The following OPCML variants were observed in gnomAD, a reference collection of about 807,000 sequenced individuals.
OPCML encodes the protein opioid binding protein/cell adhesion molecule like, also known as opioid-binding protein/cell adhesion molecule.
OPCML carries 13 observed loss-of-function variants against 37.8 expected under a neutral mutation model. The ratio of observed to expected loss-of-function variants is 0.34; its 90% CI spans 0.22 to 0.55. OPCML has a LOEUF of 0.55. Among genes scored for constraint, OPCML ranks in the 20% least tolerant of loss-of-function variants. The pLI is 0.91. For synonymous variants in OPCML, 176 were observed against 168.8 expected (o/e 1.04, Z -0.33); for missense variants, 341 against 435.6 (o/e 0.78, Z 1.93).
At chr11:133,355,676 C>G (rs751716947) in intron 1 of OPCML, among the ~76,000 whole-genome samples, 4 of 152,146 alleles carry the variant, frequency 2.6e-5, no homozygotes, top group Admixed American at 6.5e-5. Context: ...TTTCAGTCAT[C>G]GCTTCAGCTC....
At chr11:133,487,258 T>C (rs1226006492) in intron 1 of OPCML, among the ~76,000 whole-genome samples, 2 of 152,286 alleles carry the variant, frequency 1.3e-5, no homozygotes, top group East Asian at 3.9e-4. Context: ...ATCTAATCCT[T>C]GTCTGTCTCT....
chr11:133,036,414 A>G (rs150219430), intron 1 of OPCML, among the ~76,000 whole-genome samples: 221 of 152,348 alleles, frequency 1.5e-3, no homozygotes, highest in African/African-American at 5.0e-3. Flanking sequence ...TATTGTTAGC[A>G]TTTGTTTACA....
chr11:133,200,479 T>C (rs1052226787), intron 1 of OPCML, among the ~76,000 whole-genome samples: 2 of 152,206 alleles, frequency 1.3e-5, no homozygotes, highest in African/African-American at 4.8e-5. Flanking sequence ...AATCTCATTC[T>C]TTTAGAGGTG....
intron 3 of OPCML, among the ~76,000 whole-genome samples, chr11:132,563,790 AC>A (rs1309127896): frequency 6.9e-6 from 1 of 144,310 alleles, no homozygotes; most frequent in Non-Finnish European, 1.5e-5. Context: ...TATTAAAAAA[AC>A]AACGAAAACA....
chr11:132,698,432 T>C (rs2135913582), intron 2 of OPCML, among the ~76,000 whole-genome samples: 1 of 152,314 alleles, frequency 6.6e-6, no homozygotes, highest in South Asian at 2.1e-4. Flanking sequence ...TGGTCAACTG[T>C]ATGTCTTATT....
chr11:132,639,900 TG>T (rs1421770422), intron 3 of OPCML, among the ~76,000 whole-genome samples: 2 of 152,326 alleles, frequency 1.3e-5, no homozygotes, highest in East Asian at 3.9e-4. Flanking sequence ...TAGCTAGGCC[TG>T]GGGAGCATTT....
intron 4 of OPCML, among the ~76,000 whole-genome samples, chr11:132,460,406 G>C (rs1389168098): frequency 6.6e-6 from 1 of 152,164 alleles, no homozygotes; most frequent in East Asian, 1.9e-4. Flanking sequence ...TGACCTCACA[G>C]CAATAAGAGT....
chr11:133,120,831 G>A (rs1222559586), intron 1 of OPCML, among the ~76,000 whole-genome samples: 2 of 152,174 alleles, frequency 1.3e-5, no homozygotes, highest in Admixed American at 1.3e-4. Flanking sequence ...TTCAGGACCA[G>A]AGCTTCCAAT....
At chr11:133,092,552 CCT>C (rs546355879) in intron 1 of OPCML, among the ~76,000 whole-genome samples, 56 of 152,096 alleles carry the variant, frequency 3.7e-4, no homozygotes, top group South Asian at 6.2e-4. Flanking sequence ...TGGTGAAACC[CCT>C]GTCTCTACTA....
chr11:132,628,675 TC>T (rs1338767193), intron 3 of OPCML, among the ~76,000 whole-genome samples: 1 of 152,064 alleles, frequency 6.6e-6, no homozygotes, highest in African/African-American at 2.4e-5. Flanking sequence ...ACCACCTGTG[TC>T]CCCAGCCAAA....
chr11:133,142,853 A>G (rs141798820), intron 1 of OPCML, among the ~76,000 whole-genome samples: 1,594 of 152,092 alleles, frequency 0.01, 22 homozygotes, highest in African/African-American at 0.037. Context: ...AGGCACTTGG[A>G]GGTCTCTGCC....
At chr11:132,558,313 C>T (rs2096401160) in intron 3 of OPCML, among the ~76,000 whole-genome samples, 1 of 61,102 alleles carries the variant, frequency 1.6e-5, no homozygotes. Flanking sequence ...CCTCCTCTCC[C>T]CCTCCTCCCC....
intron 2 of OPCML, among the ~76,000 whole-genome samples, chr11:132,666,991 G>A (rs1230433208): frequency 6.6e-6 from 1 of 152,222 alleles, no homozygotes; most frequent in Non-Finnish European, 1.5e-5. Context: ...ACAGTCACAT[G>A]ATGAAAGGGT....
intron 4 of OPCML, among the ~76,000 whole-genome samples, chr11:132,514,023 A>C (rs1241525546): frequency 6.6e-6 from 1 of 152,222 alleles, no homozygotes; most frequent in East Asian, 1.9e-4. Flanking sequence ...TGTTGTTTCC[A>C]GATGCAATAC....
chr11:132,655,405 C>T (rs1052294908), intron 3 of OPCML, among the ~76,000 whole-genome samples: 6 of 152,172 alleles, frequency 3.9e-5, no homozygotes, highest in African/African-American at 7.2e-5. Flanking sequence ...AGCTCATCTC[C>T]GATGACTGAT....
intron 1 of OPCML, among the ~76,000 whole-genome samples, chr11:133,326,413 G>A (rs1396471160): frequency 1.4e-5 from 2 of 141,822 alleles, no homozygotes; most frequent in African/African-American, 5.3e-5. Flanking sequence ...AACAGTGGGT[G>A]TGGATATGCA....
intron 1 of OPCML, among the ~76,000 whole-genome samples, chr11:133,048,659 T>C (rs1948069502): frequency 6.6e-6 from 1 of 152,228 alleles, no homozygotes; most frequent in Admixed American, 6.5e-5. Flanking sequence ...TCATGGTTCT[T>C]ACTGACAAGA....
At chr11:133,121,764 C>G (rs1261571876) in intron 1 of OPCML, among the ~76,000 whole-genome samples, 1 of 152,190 alleles carries the variant, frequency 6.6e-6, no homozygotes, top group Non-Finnish European at 1.5e-5. Context: ...AATCTGCCAG[C>G]ATGTTTTCCA....
chr11:133,140,889 C>CGAAGAAGACGAA (rs869149648), intron 1 of OPCML, among the ~76,000 whole-genome samples: 1 of 8,786 alleles, frequency 1.1e-4, no homozygotes, highest in African/African-American at 1.7e-4. Context: ...ACGACGACGA[C>CGAAGAAGACGAA]GACGAAGACG....
Sources: allele counts gnomAD v4.1 joint callset (sites outside exome capture counted in the v4.1 genomes callset), GRCh38; gene constraint gnomAD v4.1.1; transcripts MANE v1.5; gene names NCBI Gene and HGNC (gene_info 2026-07-23, HGNC 2026-07-21).